Variants in LTBR observed in about 807,000 individuals in gnomAD.
LTBR encodes tumor necrosis factor receptor superfamily member 3.
In LTBR, 15 loss-of-function variants were observed where a neutral mutation model predicts 45.4. The ratio of observed to expected loss-of-function variants is 0.33; its 90% CI spans 0.22 to 0.51. LTBR has a LOEUF of 0.51. Ranked by LOEUF, LTBR falls within the 20% of genes least tolerant of loss-of-function variation. LTBR has a pLI of 0.97. For synonymous variants in LTBR, 228 were observed against 231.0 expected (o/e 0.99, Z 0.12); for missense variants, 450 against 565.5 (o/e 0.80, Z 2.07).
At chr12:6,377,323 C>G in intron 1 of LTBR, 1 of 1,438,588 alleles carries the variant, frequency 7.0e-7, no homozygotes, top group South Asian at 1.2e-5. Context: ...AATGAAGAAA[C>G]TGACCCTTCC....
At chr12:6,385,189 G>A (rs2136928355) in intron 3 of LTBR, 38 bp from the exon 4 acceptor site, 1 of 1,614,174 alleles carries the variant, frequency 6.2e-7, no homozygotes, top group African/African-American at 1.3e-5. Context: ...ATCCCCTGGA[G>A]CTTGGCCCCT....
rs1949108109 is a variant in LTBR at position 6,391,018 on chromosome 12, A to C, written c.*81A>C. ...GCTGCCCTGCCCACGTGGGATTCAC[A>C]GGGGCCTGAGTAGGGCCCGGGGAAG... is the stretch of plus-strand genomic sequence containing the variant. On this transcript the variant is annotated 3_prime_UTR_variant, in exon 10 of 10. Transcript: ENST00000228918. 1 of 1,401,578 alleles carries C rather than the reference A, an allele frequency of 7.1e-7. No individual in the cohort carries two copies. The highest frequency in any genetic ancestry group is 1.5e-5 in the African/African-American group (1 of 68,638). The allele number at this position is 1,401,578 out of a possible 1,614,324, so 86.8% of individuals were successfully genotyped here.
chr12:6,384,543 A>G, intron 1 of LTBR, 45 bp from the exon 2 acceptor site: 1 of 1,610,438 alleles, frequency 6.2e-7, no homozygotes, highest in Non-Finnish European at 8.5e-7. Context: ...TCCCAAGCTG[A>G]CCCCTGACTA....
At chr12:6,378,657 C>G (rs1206461892) in intron 1 of LTBR, among the ~76,000 whole-genome samples, 4 of 152,192 alleles carry the variant, frequency 2.6e-5, no homozygotes. Context: ...AGTGACTTGG[C>G]CACAGTCACC....
Position 6,386,736 on chromosome 12 carries a change from T to C in LTBR, c.667+292T>C, listed in dbSNP as rs1949054522. The C allele has an allele frequency of 5.9e-6, 2 of 337,516 alleles. No individual in the cohort carries two copies. Among genetic ancestry groups the C allele is most frequent in the Non-Finnish European group, 1.1e-5 (2 of 185,928 alleles). The allele number at this position is 337,516 out of a possible 1,614,324, so 20.9% of individuals were successfully genotyped here. On this transcript the variant is annotated intron_variant, in intron 6 of 9. Transcript: ENST00000228918. This position sits in a 1 kb window ranked among gnomAD's most constrained non-coding sequence, Gnocchi z 4.1. ...GTCATCATTTTGGGCTTACCAACAT[T>C]ACACAATCCGTTTTTTTTTTTCACA... is the stretch of plus-strand genomic sequence containing the variant.
chr12:6,381,877 G>A (rs770750115), upstream of LTBR, among the ~76,000 whole-genome samples: 13 of 152,326 alleles, frequency 8.5e-5, no homozygotes, highest in South Asian at 2.1e-4. Flanking sequence ...GGAGGTTGAG[G>A]CAGAGAATTG....
At chr12:6,379,766 T>C (rs536423123), upstream of LTBR, among the ~76,000 whole-genome samples, 4 of 105,398 alleles carry the variant, frequency 3.8e-5, no homozygotes, top group East Asian at 1.3e-3. Context: ...CCGTCTCTAC[T>C]AAAATTACAA....
At chr12:6,378,921 A>C (rs1472537230) in intron 1 of LTBR, among the ~76,000 whole-genome samples, 1 of 151,926 alleles carries the variant, frequency 6.6e-6, no homozygotes, top group Non-Finnish European at 1.5e-5. Flanking sequence ...TGTGGCCATA[A>C]AATATGCACG....
chr12:6,384,924 C>A, intron 2 of LTBR, 98 bp from the exon 3 acceptor site: 1 of 1,505,340 alleles, frequency 6.6e-7, no homozygotes, highest in Non-Finnish European at 9.1e-7. Flanking sequence ...GATGGGGGGC[C>A]AGAGAGACCG....
chr12:6,385,784 T>TA (rs1949035001), intron 4 of LTBR: 1 of 186,900 alleles, frequency 5.4e-6, no homozygotes, highest in Non-Finnish European at 8.7e-6. Flanking sequence ...TGGGCGCCTG[T>TA]ATCCCAGCTA....
upstream of LTBR, chr12:6,375,374 G>T (rs1334482711): frequency 3.4e-6 from 5 of 1,469,920 alleles, no homozygotes; most frequent in Non-Finnish European, 4.5e-6. Flanking sequence ...TCCTGATTCT[G>T]TCTCTGCCCC....
upstream of LTBR, among the ~76,000 whole-genome samples, chr12:6,379,960 C>CA (rs1299669719): frequency 2.2e-5 from 3 of 136,354 alleles, no homozygotes; most frequent in African/African-American, 2.8e-5. Flanking sequence ...AAAAAAAAAA[C>CA]AAAAAAAGAA....
chr12:6,389,915 C>T, intron 8 of LTBR, 197 bp from the exon 9 acceptor site: 1 of 591,904 alleles, frequency 1.7e-6, no homozygotes, highest in Non-Finnish European at 3.0e-6. Flanking sequence ...TATGATTGCA[C>T]CACTGCACTG....
Position 6,386,411 on chromosome 12 carries a change from A to T in LTBR, c.634A>T (p.Asn212Tyr), listed in dbSNP as rs1446957629. The change falls in exon 6 of 10, where the codon AAT becomes TAT. Residue 212 changes from asparagine to tyrosine, a missense_variant. By Grantham distance (143) the Asn-to-Tyr change is moderately radical (BLOSUM62 -2). This residue lies in a region of LTBR where 367 missense variants were observed against 435.4 expected (regional missense o/e 0.84). Coordinates refer to ENST00000228918, the MANE Select transcript of LTBR (RefSeq NM_002342.3). The surrounding 1 kb of genome is among the most constrained non-coding windows in gnomAD (Gnocchi z 4.1). ...TGCCCAGTCCGACACAACCTGCAAA[A>T]ATCCATTAGAGCCACTGCCCCCAGA... The part of the protein sequence containing the change: ...GTAQSDTTCK[N>Y]PLEPLPPEMS... 2 of 1,613,554 alleles carry T rather than the reference A, an allele frequency of 1.2e-6. No homozygotes were observed. Among genetic ancestry groups the T allele is most frequent in the East Asian group, 2.2e-5 (1 of 44,874 alleles).
intron 1 of LTBR, chr12:6,375,870 G>A (rs898904067): frequency 1.6e-5 from 21 of 1,296,368 alleles, no homozygotes; most frequent in South Asian, 9.1e-5. Context: ...TGGGGAACCG[G>A]GAGGACAGGA....
chr12:6,388,767 G>C lies in LTBR; in HGVS notation c.776-33G>C. ...GAAAGGCTAGGTCTGAGGCCTGCCG[G>C]GGAGCCTACACCCATTTCATTCTCC... On this transcript the variant is annotated intron_variant, in intron 7 of 9. Transcript: ENST00000228918. This position sits in a 1 kb window ranked among gnomAD's most constrained non-coding sequence, Gnocchi z 4.3. The C allele has an allele frequency of 6.2e-7, 1 of 1,613,920 alleles. No individual in the cohort carries two copies. The highest frequency in any genetic ancestry group is 1.1e-5 in the South Asian group (1 of 91,040).
rs112955985 is a variant in LTBR, at chr12:6,375,742, G to A, written c.39+148G>A. The A allele has an allele frequency of 5.1e-5, 72 of 1,416,402 alleles. No individual in the cohort carries two copies. In the African/African-American group the frequency reaches 8.6e-4, roughly 17 times the overall value. The allele number at this position is 1,416,402 out of a possible 1,614,324, so 87.7% of individuals were successfully genotyped here. A position where few individuals can be genotyped will look rare whatever the true frequency, so the allele number is the denominator to read the frequency against. ...GGCTTTAGACGCAGACAGGCAAGGA[G>A]GCTGGGGGACAGGATGGCAGGTGAG... On this transcript the variant is annotated intron_variant, in intron 1 of 9. Transcript: ENST00000539925.
In LTBR at chr12:6,377,761, C is replaced by T. The variant is rs59148182; in HGVS notation, c.39+2167C>T. On this transcript the variant is annotated intron_variant, in intron 1 of 9. Coordinates refer to the LTBR transcript ENST00000539925. ...GCACCTCCCTGCCTTTTCTATTTGC[C>T]AGCTCATGCCTGAAATCCAACCACT... 6.4e-3 allele frequency: 5,803 copies of T among 903,544 alleles called. 166 individuals carry two copies. The African/African-American group carries it at 0.074, about 11-fold the overall frequency. 56.0% of individuals were successfully genotyped at this position (903,544 alleles called of 1,614,324 possible).
chr12:6,378,771 T>C (rs1044529978), intron 1 of LTBR, among the ~76,000 whole-genome samples: 3 of 152,156 alleles, frequency 2.0e-5, no homozygotes, highest in African/African-American at 7.2e-5. Flanking sequence ...CTATAAGAAG[T>C]CAAGAGCTTT....
Sources: gnomAD v4.1 joint callset for allele counts (sites outside exome capture counted in the v4.1 genomes callset) on GRCh38, gnomAD v4.1.1 for gene constraint, gnomAD v4.1.1 regional missense constraint, Gnocchi (gnomAD v3.1) non-coding constraint, MANE v1.5 for transcripts, NCBI Gene and HGNC (gene_info 2026-07-23, HGNC 2026-07-21) for gene names.